Variants in ZNF683 observed in about 807,000 individuals in gnomAD.
The protein encoded by ZNF683 is zinc finger protein 683.
ZNF683 carries 20 observed loss-of-function variants against 31.4 expected under a neutral mutation model. The ratio of observed to expected loss-of-function variants is 0.64; its 90% CI spans 0.45 to 0.93. The LOEUF is 0.93. Among genes scored for constraint, ZNF683 ranks in the 40% least tolerant of loss-of-function variants. ZNF683 has a pLI of 0.00. For missense variants in ZNF683, 621 were observed against 637.2 expected (o/e 0.97, Z 0.27); for synonymous variants, 264 against 267.6 (o/e 0.99, Z 0.13).
At chr1:26,369,334 G>A (rs1464039123) in intron 1 of ZNF683, among the ~76,000 whole-genome samples, 3 of 152,052 alleles carry the variant, frequency 2.0e-5, no homozygotes, top group Non-Finnish European at 4.4e-5. Context: ...AGACCAGCCT[G>A]GCTAACATGG....
chr1:26,368,482 G>T lies in ZNF683; in HGVS notation c.90C>A (p.Asp30Glu). 6 of 1,598,038 alleles carry T rather than the reference G, an allele frequency of 3.8e-6. No homozygotes were observed. Among genetic ancestry groups the T allele is most frequent in the Non-Finnish European group, 5.1e-6 (6 of 1,172,746 alleles). ...CCTGGTCACCTCGGAAGAGCTGGAA[G>T]TCCAGGCTGGGGGACAGGGAGCCCC... ...GTGGSLSPSL[D>E]FQLFRGDQVF... The change falls in exon 2 of 6, where the codon GAC becomes GAA. Residue 30 changes from aspartate (D) to glutamate (E), a missense_variant. Coordinates refer to ENST00000349618, the MANE Select transcript of ZNF683 (RefSeq NM_001114759.3).
At chr1:26,373,823 C>A (rs1277518032), upstream of ZNF683, among the ~76,000 whole-genome samples, 1 of 152,174 alleles carries the variant, frequency 6.6e-6, no homozygotes, top group Admixed American at 6.6e-5. Context: ...TTACAAACAG[C>A]TTTCTTGCTG....
chr1:26,368,365 T>C, intron 2 of ZNF683, 93 bp downstream of exon 2: 1 of 1,409,478 alleles, frequency 7.1e-7, no homozygotes, highest in Non-Finnish European at 9.4e-7. Flanking sequence ...GAAGGAGATC[T>C]AGGTCCCTTC....
rs554842091 is a variant in ZNF683 at position 26,364,702 on chromosome 1, C to T, written c.844G>A (p.Asp282Asn). The change falls in exon 4 of 6, where the codon GAC becomes AAC. Residue 282 changes from aspartate (D) to asparagine (N), a missense_variant. Asp to Asn is a conservative substitution (Grantham distance 23, BLOSUM62 1). Coordinates refer to ENST00000349618, the MANE Select transcript of ZNF683 (RefSeq NM_001114759.3). ...RNPGAGAAPTDSPGLERGGMA... is the reference protein window; with the variant it reads ...RNPGAGAAPTNSPGLERGGMA... ...CCACCACGCTCCAGGCCTGGGGAGT[C>T]GGTTGGGGCAGCTCCAGCACCTGGA... 14 of 1,613,830 alleles carry T rather than the reference C, an allele frequency of 8.7e-6. No individual in the cohort carries two copies. The Admixed American group carries it at 1.7e-4, about 19-fold the overall frequency.
chr1:26,373,853 G>C (rs1302066460), upstream of ZNF683, among the ~76,000 whole-genome samples: 1 of 152,034 alleles, frequency 6.6e-6, no homozygotes, highest in African/African-American at 2.4e-5. Flanking sequence ...CTGTGCTAGG[G>C]GCTTCATAAA....
rs143491364 is a variant in ZNF683 at position 26,365,222 on chromosome 1, G to A, written c.324C>T (p.His108=). The change falls in exon 4 of 6, where the codon CAC becomes CAT. Residue 108 remains histidine (H), a synonymous_variant. Coordinates refer to ENST00000349618, the MANE Select transcript of ZNF683 (RefSeq NM_001114759.3). The stretch of plus-strand genomic sequence containing the variant: ...AGCTGGCCTGCAGCCCTGGTGGCTC[G>A]TGCTCTAAGCAGGAAAAGGAAGGCG... ...GLQEDALSMK[H]EPPGLQASST... 7.5e-5 allele frequency: 119 copies of A among 1,593,278 alleles called. No homozygotes were observed. The Middle Eastern group carries it at 3.6e-3, about 49-fold the overall frequency.
At position 26,366,643 on chromosome 1, in the gene ZNF683, T is replaced by C. The variant is rs116245861; in HGVS notation, c.319+950A>G. Among the ~76,000 whole-genome samples, 821 of 152,116 alleles carry C rather than the reference T, an allele frequency of 5.4e-3. 10 individuals are homozygous for C. Among genetic ancestry groups the C allele is most frequent in the African/African-American group, 0.019 (770 of 41,526 alleles). ...GGCAGAACCGAGACTCCAACCCCAA[T>C]TCCCTGACTCCCAGCCCAGTGCTTT... On this transcript the variant is annotated intron_variant, in intron 3 of 5. Transcript: ENST00000349618.
upstream of ZNF683, chr1:26,374,435 T>A: frequency 1.7e-6 from 2 of 1,182,716 alleles, no homozygotes; most frequent in Non-Finnish European, 1.1e-6. Context: ...CTGGCTTGGC[T>A]AGGAAATGCC....
At chr1:26,373,806 G>T (rs762537726), upstream of ZNF683, among the ~76,000 whole-genome samples, 2 of 152,176 alleles carry the variant, frequency 1.3e-5, no homozygotes. Flanking sequence ...AGAGTAAATA[G>T]CCACCTTTAC....
Position 26,365,112 on chromosome 1 carries a change from G to GC in ZNF683, c.433dup (p.Ala145GlyfsTer10). ...ATGAGAGGAGAAGGCTGGGCAGGGG[G>GC]CCCCCTCGCCAGCTCTTTCTGGCTG... On this transcript the variant is annotated frameshift_variant, in exon 4 of 6. Coordinates refer to ENST00000349618, the MANE Select transcript of ZNF683 (RefSeq NM_001114759.3). LOFTEE classifies it high-confidence loss of function. 1 of 1,606,664 alleles carries GC rather than the reference G, an allele frequency of 6.2e-7. No homozygotes were observed. Among genetic ancestry groups the GC allele is most frequent in the Non-Finnish European group, 8.5e-7 (1 of 1,176,562 alleles).
intron 2 of ZNF683, 75 bp downstream of exon 2, chr1:26,368,383 C>A: frequency 2.1e-6 from 3 of 1,457,094 alleles, no homozygotes; most frequent in Non-Finnish European, 2.7e-6. Context: ...TTCAGACGTT[C>A]CCCTTTTTCC....
chr1:26,371,908 G>A (rs1325398760), intron 1 of ZNF683, among the ~76,000 whole-genome samples: 1 of 152,076 alleles, frequency 6.6e-6, no homozygotes, highest in Non-Finnish European at 1.5e-5. Context: ...CTCCAGCCTG[G>A]GTGACAGAGC....
chr1:26,373,783 T>C (rs889748268), upstream of ZNF683, among the ~76,000 whole-genome samples: 2 of 152,318 alleles, frequency 1.3e-5, no homozygotes, highest in Admixed American at 6.5e-5. Context: ...CCAGCTGGAA[T>C]TGTCCAAGGA....
rs140206886 is a variant in ZNF683 at position 26,368,477 on chromosome 1, T to C, written c.95A>G (p.Gln32Arg). ...CCTTACCTGGTCACCTCGGAAGAGC[T>C]GGAAGTCCAGGCTGGGGGACAGGGA... is the stretch of plus-strand genomic sequence containing the variant. ...GGSLSPSLDF[Q>R]LFRGDQVFSA... Residue 32 changes from glutamine (Q) to arginine (R), a missense_variant, in exon 2 of 6, where the codon CAG (glutamine) becomes CGG (arginine). Gln to Arg is a conservative substitution (Grantham distance 43). Transcript: ENST00000349618. The C allele has an allele frequency of 2.7e-5, 43 of 1,596,986 alleles. No individual in the cohort carries two copies. The African/African-American group carries it at 4.6e-4, about 17-fold the overall frequency.
intron 3 of ZNF683, among the ~76,000 whole-genome samples, chr1:26,367,207 G>A (rs569337321): frequency 2.8e-4 from 42 of 151,810 alleles, no homozygotes; most frequent in Non-Finnish European, 5.4e-4. Context: ...CAGAGGTTGC[G>A]GTGACTGGAG....
chr1:26,363,737 GAAAAAAAA>G (rs61027154), intron 4 of ZNF683, among the ~76,000 whole-genome samples: 2 of 134,942 alleles, frequency 1.5e-5, no homozygotes, highest in South Asian at 4.9e-4. Context: ...ACTCCATATG[GAAAAAAAA>G]AAAAAAAAAA....
At chr1:26,368,363 T>C in intron 2 of ZNF683, 95 bp downstream of exon 2, 1 of 1,401,864 alleles carries the variant, frequency 7.1e-7, no homozygotes, top group South Asian at 1.7e-5. Flanking sequence ...GGGAAGGAGA[T>C]CTAGGTCCCT....
chr1:26,367,658 C>T lies in ZNF683; in HGVS notation c.254G>A (p.Cys85Tyr). 1 of 1,612,598 alleles carries T rather than the reference C, an allele frequency of 6.2e-7. No individual in the cohort carries two copies. The highest frequency in any genetic ancestry group is 8.5e-7 in the Non-Finnish European group (1 of 1,179,696). Residue 85 changes from cysteine to tyrosine, a missense_variant, in exon 3 of 6, where the codon TGC becomes TAC. Physicochemically the swap from Cys to Tyr is radical, Grantham distance 194. Coordinates refer to ENST00000349618, the MANE Select transcript of ZNF683 (RefSeq NM_001114759.3). ...GCCCAGGGGTGCCGGCTGTGGGGTG[C>T]ACAGGTTCAGGTCCAGGTCCTGTAG... ...ACLQDLDLNLCTPQPAPLGTD... is the reference protein window; with the variant it reads ...ACLQDLDLNLYTPQPAPLGTD...
At position 26,361,940 on chromosome 1, in the gene ZNF683, C is replaced by G. The variant is rs1458221539; in HGVS notation, c.1226G>C (p.Ser409Thr). 4 of 1,613,892 alleles carry G rather than the reference C, an allele frequency of 2.5e-6. No homozygotes were observed. Among genetic ancestry groups the G allele is most frequent in the Non-Finnish European group, 3.4e-6 (4 of 1,179,902 alleles). Reference sequence around the variant, plus strand: ...CTGGGTGAAGCGACTCCGGCAGACACTGCACTGGAAGGGCCGGGCCCCGGA... The same window carrying G: ...CTGGGTGAAGCGACTCCGGCAGACAGTGCACTGGAAGGGCCGGGCCCCGGA... Reference protein sequence around the residue: ...LHSGARPFQCSVCRSRFTQHI... With the variant: ...LHSGARPFQCTVCRSRFTQHI... The change falls in exon 6 of 6, where the codon AGT becomes ACT. Residue 409 changes from serine to threonine, a missense_variant. Physicochemically the swap from Ser to Thr is moderately conservative, Grantham distance 58. Coordinates refer to ENST00000349618, the MANE Select transcript of ZNF683 (RefSeq NM_001114759.3).
Sources: allele counts gnomAD v4.1 joint callset (sites outside exome capture counted in the v4.1 genomes callset), GRCh38; gene constraint gnomAD v4.1.1; transcripts MANE v1.5; gene names NCBI Gene and HGNC (gene_info 2026-07-23, HGNC 2026-07-21).